The following ZNF652 variants were observed in gnomAD, a reference collection of about 807,000 sequenced individuals.
The protein encoded by ZNF652 is zinc finger protein 652.
In ZNF652, 16 loss-of-function variants were observed where a neutral mutation model predicts 45.2. The ratio of observed to expected loss-of-function variants is 0.35; its 90% CI spans 0.24 to 0.54. The LOEUF (loss-of-function observed/expected upper bound fraction) is 0.54, where lower values mean the gene tolerates loss of function less well. Among genes scored for constraint, ZNF652 ranks in the 20% least tolerant of loss-of-function variants. The pLI, the probability that ZNF652 is intolerant of heterozygous loss-of-function variation, is 0.91. For missense variants in ZNF652, 614 were observed against 765.6 expected (o/e 0.80, Z 2.34); for synonymous variants, 250 against 260.6 (o/e 0.96, Z 0.39).
At chr17:49,314,547 T>C (rs1289208269) in intron 2 of ZNF652, among the ~76,000 whole-genome samples, 1 of 152,176 alleles carries the variant, frequency 6.6e-6, no homozygotes, top group Non-Finnish European at 1.5e-5. Flanking sequence ...ACAGATCAGT[T>C]CCAGAGCTCT....
At chr17:49,335,876 C>A (rs190489717) in intron 1 of ZNF652, among the ~76,000 whole-genome samples, 1 of 152,250 alleles carries the variant, frequency 6.6e-6, no homozygotes, top group Admixed American at 6.5e-5. Flanking sequence ...TTAGGGTAGA[C>A]AGAGATGTGA....
At chr17:49,342,479 T>C (rs968034534) in intron 1 of ZNF652, among the ~76,000 whole-genome samples, 9 of 148,652 alleles carry the variant, frequency 6.1e-5, no homozygotes, top group South Asian at 2.1e-4. Context: ...ATTTTGAGTA[T>C]AGTGTTTGTT....
intron 1 of ZNF652, among the ~76,000 whole-genome samples, chr17:49,324,513 C>T (rs867246893): frequency 2.0e-5 from 3 of 147,556 alleles, no homozygotes; most frequent in Middle Eastern, 8.4e-3. Context: ...GCCTCAGCCT[C>T]CCAAGTAGCT....
chr17:49,342,031 C>A (rs556137528), intron 1 of ZNF652, among the ~76,000 whole-genome samples: 78 of 151,778 alleles, frequency 5.1e-4, no homozygotes, highest in Non-Finnish European at 8.8e-4. Flanking sequence ...ACTAAAAGTA[C>A]AAAAATTAGC....
chr17:49,341,320 C>G (rs1379133766), intron 1 of ZNF652, among the ~76,000 whole-genome samples: 1 of 151,188 alleles, frequency 6.6e-6, no homozygotes, highest in Admixed American at 6.6e-5. Flanking sequence ...AGCACATCAA[C>G]TGAAAAAAAA....
At chr17:49,350,970 C>CATATATATATATATATATAT (rs372720324) in intron 1 of ZNF652, among the ~76,000 whole-genome samples, 2 of 42,306 alleles carry the variant, frequency 4.7e-5, no homozygotes, top group African/African-American at 7.7e-5. Context: ...ACTCTGTCTA[C>CATATATATATATATATATAT]ATATATATAT....
chr17:49,345,240 T>C (rs1313683057), intron 1 of ZNF652, among the ~76,000 whole-genome samples: 1 of 150,078 alleles, frequency 6.7e-6, no homozygotes, highest in Non-Finnish European at 1.5e-5. Context: ...TGTTGCTCTG[T>C]CACCCAGGCT....
chr17:49,345,333 G>A lies in ZNF652; in HGVS notation c.-259+16576C>T, dbSNP rs1214878456. ...TTCCCCTGCCTCAGCCTCCCAAGTA[G>A]CTGGGATTATAGGTATGTTCCACTA... On this transcript the variant is annotated intron_variant, in intron 1 of 5. Coordinates refer to ENST00000430262, the MANE Select transcript of ZNF652 (RefSeq NM_001145365.3). 2.6e-5 allele frequency among the ~76,000 whole-genome samples: 4 copies of A among 151,084 alleles called. No homozygotes were observed. In the East Asian group the frequency reaches 7.9e-4, roughly 30 times the overall value.
intron 5 of ZNF652, among the ~76,000 whole-genome samples, chr17:49,302,685 G>A (rs1184540961): frequency 1.3e-5 from 2 of 152,144 alleles, no homozygotes; most frequent in Non-Finnish European, 2.9e-5. Flanking sequence ...CATGAGGACG[G>A]GTGTGGTGGC....
At chr17:49,350,860 C>T (rs914546041) in intron 1 of ZNF652, among the ~76,000 whole-genome samples, 2 of 150,792 alleles carry the variant, frequency 1.3e-5, no homozygotes, top group African/African-American at 4.9e-5. Flanking sequence ...ATCCCAGCTA[C>T]TCAGGAAGCT....
Position 49,293,655 on chromosome 17 carries a change from TAAAAAAAAAAAAA to T in ZNF652, c.*4745_*4757del, listed in dbSNP as rs10609861. On this transcript the variant is annotated 3_prime_UTR_variant, in exon 6 of 6. Coordinates refer to ENST00000430262, the MANE Select transcript of ZNF652 (RefSeq NM_001145365.3). ...CTAATGGCTTATGACCTTTCATTCC[TAAAAAAAAAAAAA>T]AAAAAAAAAAAAAAAAACTCTTAAG... Among the ~76,000 whole-genome samples, 14 of 78,316 alleles carry T rather than the reference TAAAAAAAAAAAAA, an allele frequency of 1.8e-4. No individual in the cohort carries two copies. Among genetic ancestry groups the T allele is most frequent in the Admixed American group, 4.3e-4 (3 of 7,024 alleles). 51.4% of individuals were successfully genotyped at this position (78,316 alleles called of 152,430 possible).
rs2069419203 is a variant in ZNF652, at chr17:49,292,663, T to C, written c.*5750A>G. On this transcript the variant is annotated 3_prime_UTR_variant, in exon 6 of 6. Coordinates refer to ENST00000430262, the MANE Select transcript of ZNF652 (RefSeq NM_001145365.3). ...GAAGACTTCAGTTGAGAAAAAGGTGTTCAAAAGACATTCAATGACCTTTAA... is the reference window on the plus strand; with the variant it reads ...GAAGACTTCAGTTGAGAAAAAGGTGCTCAAAAGACATTCAATGACCTTTAA... 6.6e-6 allele frequency among the ~76,000 whole-genome samples: 1 copy of C among 152,096 alleles called. No individual in the cohort carries two copies. The highest frequency in any genetic ancestry group is 2.4e-5 in the African/African-American group (1 of 41,422).
chr17:49,346,473 C>A (rs147411091), intron 1 of ZNF652, among the ~76,000 whole-genome samples: 135 of 152,324 alleles, frequency 8.9e-4, no homozygotes, highest in African/African-American at 2.9e-3. Context: ...ATCACTTGAA[C>A]CTGGGAGGCA....
At chr17:49,354,368 A>G (rs1358302369) in intron 1 of ZNF652, among the ~76,000 whole-genome samples, 3 of 152,152 alleles carry the variant, frequency 2.0e-5, no homozygotes, top group Non-Finnish European at 4.4e-5. Flanking sequence ...GCTGTGTAAT[A>G]TATAAAAAGG....
intron 5 of ZNF652, among the ~76,000 whole-genome samples, chr17:49,307,435 GAAAAAA>G (rs1175854049): frequency 3.7e-4 from 15 of 40,478 alleles, no homozygotes; most frequent in East Asian, 9.5e-4. Context: ...TGTCTCAAAA[GAAAAAA>G]AAAAAAAAAA....
At chr17:49,346,988 A>G (rs1047955014) in intron 1 of ZNF652, among the ~76,000 whole-genome samples, 1 of 152,244 alleles carries the variant, frequency 6.6e-6, no homozygotes, top group Non-Finnish European at 1.5e-5. Context: ...GAATGTGTCA[A>G]AAAGAATGAG....
At chr17:49,353,548 T>G (rs1430426789) in intron 1 of ZNF652, among the ~76,000 whole-genome samples, 1 of 152,154 alleles carries the variant, frequency 6.6e-6, no homozygotes, top group Non-Finnish European at 1.5e-5. Flanking sequence ...TTCGGCTTAC[T>G]ACAACCTCCA....
rs1385118578 is a variant in ZNF652, at chr17:49,291,169, A to G, written c.*7244T>C. ...GAGGGTTAGGAGCTCTAGCAGAATAAAATACTTCCCACCAACTTTCAAATG... is the reference window on the plus strand; with the variant it reads ...GAGGGTTAGGAGCTCTAGCAGAATAGAATACTTCCCACCAACTTTCAAATG... On this transcript the variant is annotated 3_prime_UTR_variant, in exon 6 of 6. Coordinates refer to ENST00000430262, the MANE Select transcript of ZNF652 (RefSeq NM_001145365.3). 6.6e-6 allele frequency: 1 copy of G among 152,222 alleles called. No individual in the cohort carries two copies. The highest frequency in any genetic ancestry group is 2.4e-5 in the African/African-American group (1 of 41,458). 9.4% of individuals were successfully genotyped at this position (152,222 alleles called of 1,614,324 possible).
intron 1 of ZNF652, among the ~76,000 whole-genome samples, chr17:49,340,253 A>C (rs1598309616): frequency 6.6e-6 from 1 of 152,138 alleles, no homozygotes. Flanking sequence ...CATCTCTACC[A>C]GAGATAGAAA....
Sources: gnomAD v4.1 joint callset for allele counts (sites outside exome capture counted in the v4.1 genomes callset) on GRCh38, gnomAD v4.1.1 for gene constraint, MANE v1.5 for transcripts, NCBI Gene and HGNC (gene_info 2026-07-23, HGNC 2026-07-21) for gene names.